The following CDKAL1 variants were observed in gnomAD, a reference collection of about 807,000 sequenced individuals.
The protein encoded by CDKAL1 is CDKAL1 threonylcarbamoyladenosine tRNA methylthiotransferase, also known as threonylcarbamoyladenosine tRNA methylthiotransferase.
In CDKAL1, 32 loss-of-function variants were observed where a neutral mutation model predicts 68.2. The ratio of observed to expected loss-of-function variants is 0.47; its 90% CI spans 0.35 to 0.63. The LOEUF is 0.63. Ranked by LOEUF, CDKAL1 falls within the 30% of genes least tolerant of loss-of-function variation. CDKAL1 has a pLI of 0.00. For missense variants in CDKAL1, 606 were observed against 696.7 expected, an observed-to-expected ratio of 0.87 and a Z score of 1.47; for synonymous variants, 234 against 244.3, an observed-to-expected ratio of 0.96 and a Z score of 0.39.
intron 4 of CDKAL1, among the ~76,000 whole-genome samples, chr6:20,567,519 G>A (rs900001210): frequency 2.6e-5 from 4 of 152,106 alleles, no homozygotes; most frequent in South Asian, 2.1e-4. Context: ...GATGGAGAGC[G>A]TGAGTTAGGA....
chr6:20,978,926 ACCT>A (rs1456292339), intron 10 of CDKAL1, among the ~76,000 whole-genome samples: 2 of 152,000 alleles, frequency 1.3e-5, no homozygotes, highest in South Asian at 2.1e-4. Context: ...TCATTATGTG[ACCT>A]CCTTGCATCT....
intron 9 of CDKAL1, among the ~76,000 whole-genome samples, chr6:20,871,598 G>A (rs956075735): frequency 6.6e-6 from 1 of 151,964 alleles, no homozygotes; most frequent in East Asian, 1.9e-4. Context: ...TAATAAAAGC[G>A]CTTAGCAACA....
At chr6:20,636,300 TC>T (rs1767901901) in intron 4 of CDKAL1, among the ~76,000 whole-genome samples, 1 of 152,194 alleles carries the variant, frequency 6.6e-6, no homozygotes, top group African/African-American at 2.4e-5. Context: ...TGGTGTTCCT[TC>T]CCATTCCCTG....
chr6:21,203,307 G>A (rs1280576464), intron 15 of CDKAL1, among the ~76,000 whole-genome samples: 2 of 133,052 alleles, frequency 1.5e-5, no homozygotes, highest in African/African-American at 5.7e-5. Flanking sequence ...TGCAGTGTCA[G>A]CTCACTGCAG....
At chr6:20,593,340 A>G (rs960970587) in intron 4 of CDKAL1, among the ~76,000 whole-genome samples, 3 of 152,096 alleles carry the variant, frequency 2.0e-5, no homozygotes, top group African/African-American at 4.8e-5. Flanking sequence ...TACTGCCTCA[A>G]TTTCAGAACT....
At chr6:21,040,652 C>G (rs1424433951) in intron 11 of CDKAL1, among the ~76,000 whole-genome samples, 1 of 152,088 alleles carries the variant, frequency 6.6e-6, no homozygotes, top group Non-Finnish European at 1.5e-5. Flanking sequence ...TATTATACTT[C>G]AGGGTCATTA....
At chr6:20,672,579 T>A (rs377691562) in intron 5 of CDKAL1, among the ~76,000 whole-genome samples, 3 of 152,122 alleles carry the variant, frequency 2.0e-5, no homozygotes, top group East Asian at 1.9e-4. Flanking sequence ...GGTCTCGAAC[T>A]CCTGGCCTCA....
At chr6:20,884,636 A>G (rs1267657904) in intron 9 of CDKAL1, among the ~76,000 whole-genome samples, 1 of 152,266 alleles carries the variant, frequency 6.6e-6, no homozygotes, top group Non-Finnish European at 1.5e-5. Context: ...TACTAGAACT[A>G]TGAAATGAAT....
At chr6:20,728,070 C>T (rs920199730) in intron 5 of CDKAL1, among the ~76,000 whole-genome samples, 4 of 152,076 alleles carry the variant, frequency 2.6e-5, no homozygotes, top group African/African-American at 9.7e-5. Flanking sequence ...TGGTGAGTGC[C>T]TTCATAAAAT....
intron 7 of CDKAL1, among the ~76,000 whole-genome samples, chr6:20,765,525 C>T (rs963100848): frequency 1.2e-4 from 19 of 152,116 alleles, no homozygotes; most frequent in African/African-American, 1.9e-4. Context: ...CCTTTAGTTT[C>T]CCCACGTTAA....
intron 4 of CDKAL1, among the ~76,000 whole-genome samples, chr6:20,570,790 A>G (rs1764668225): frequency 6.6e-6 from 1 of 152,224 alleles, no homozygotes; most frequent in Admixed American, 6.5e-5. Context: ...CTAGATATCA[A>G]GGGATGGTTA....
At chr6:21,094,277 G>A (rs1773207952) in intron 12 of CDKAL1, among the ~76,000 whole-genome samples, 1 of 152,016 alleles carries the variant, frequency 6.6e-6, no homozygotes, top group Admixed American at 6.6e-5. Flanking sequence ...CATGTTACTT[G>A]GCAATATGGA....
chr6:20,732,169 C>A (rs1772964205), intron 5 of CDKAL1, among the ~76,000 whole-genome samples: 1 of 151,930 alleles, frequency 6.6e-6, no homozygotes, highest in Non-Finnish European at 1.5e-5. Flanking sequence ...CCTCAGCCTC[C>A]TGAGTACCTG....
intron 13 of CDKAL1, among the ~76,000 whole-genome samples, chr6:21,148,356 A>C (rs1776272956): frequency 6.6e-6 from 1 of 152,190 alleles, no homozygotes; most frequent in African/African-American, 2.4e-5. Context: ...AATACTCTTA[A>C]TTAATCCTTC....
intron 5 of CDKAL1, among the ~76,000 whole-genome samples, chr6:20,664,404 C>T (rs934692232): frequency 1.3e-5 from 2 of 152,122 alleles, no homozygotes; most frequent in African/African-American, 2.4e-5. Context: ...ATTTGCTTTC[C>T]AGCTCATAAA....
At position 21,065,033 on chromosome 6, in the gene CDKAL1, C is replaced by T; in HGVS notation, c.1056-15C>T. On this transcript the variant is annotated splice_polypyrimidine_tract_variant and intron_variant, in intron 11 of 15. Transcript: ENST00000274695. Reference sequence around the variant, plus strand: ...TATAGTCAAGTTTTTACATTTTTGTCTTGTTATTTTCTAGAGTTCCTGGAA... The same window carrying T: ...TATAGTCAAGTTTTTACATTTTTGTTTTGTTATTTTCTAGAGTTCCTGGAA... The T allele has an allele frequency of 6.7e-7, 1 of 1,494,566 alleles. No homozygotes were observed. The highest frequency in any genetic ancestry group is 2.4e-5 in the East Asian group (1 of 41,420). 92.6% of individuals were successfully genotyped at this position (1,494,566 alleles called of 1,614,324 possible). A position where few individuals can be genotyped will look rare whatever the true frequency, so the allele number is the denominator to read the frequency against.
chr6:20,608,043 G>A (rs1379170520), intron 4 of CDKAL1, among the ~76,000 whole-genome samples: 1 of 152,130 alleles, frequency 6.6e-6, no homozygotes. Context: ...ACTTACATCT[G>A]AGTGTGTTCT....
chr6:20,984,916 A>T (rs1766371000), intron 10 of CDKAL1, among the ~76,000 whole-genome samples: 1 of 151,968 alleles, frequency 6.6e-6, no homozygotes, highest in Non-Finnish European at 1.5e-5. Context: ...AGGCTTGAGG[A>T]TGGAGCCCTC....
At chr6:21,165,862 G>A (rs577014470) in intron 13 of CDKAL1, among the ~76,000 whole-genome samples, 2 of 152,306 alleles carry the variant, frequency 1.3e-5, no homozygotes, top group African/African-American at 4.8e-5. Context: ...CAACTCAGGG[G>A]AAGTTTCCCA....
Sources: allele counts gnomAD v4.1 joint callset (sites outside exome capture counted in the v4.1 genomes callset), GRCh38; gene constraint gnomAD v4.1.1; transcripts MANE v1.5; gene names NCBI Gene and HGNC (gene_info 2026-07-23, HGNC 2026-07-21).